VSNL1: variants seen among roughly 807,000 people sequenced by gnomAD.
The protein encoded by VSNL1 is visinin-like protein 1.
Under a neutral mutation model 20.4 loss-of-function variants are expected in VSNL1, and 6 were observed. That is an observed-to-expected ratio of 0.29 (90% confidence interval 0.16 to 0.58). The LOEUF (loss-of-function observed/expected upper bound fraction) is 0.58, where lower values mean the gene tolerates loss of function less well. Among genes scored for constraint, VSNL1 ranks in the 20% least tolerant of loss-of-function variants. The pLI, the probability that VSNL1 is intolerant of heterozygous loss-of-function variation, is 0.90. For synonymous variants in VSNL1, 93 were observed against 86.4 expected, an observed-to-expected ratio of 1.08 and a Z score of -0.42; for missense variants, 100 against 234.5, an observed-to-expected ratio of 0.43 and a Z score of 3.75.
At chr2:17,594,453 G>A (rs1410074211) in intron 2 of VSNL1, among the ~76,000 whole-genome samples, 1 of 152,226 alleles carries the variant, frequency 6.6e-6, no homozygotes, top group Admixed American at 6.5e-5. Flanking sequence ...CTGGAAAGGA[G>A]AAGCCTGGAA....
At position 17,630,961 on chromosome 2, in the gene VSNL1, T is replaced by C. The variant is rs148458079; in HGVS notation, c.163-18449T>C. 4.9e-3 allele frequency among the ~76,000 whole-genome samples: 753 copies of C among 152,254 alleles called. 6 individuals carry two copies. Among genetic ancestry groups the C allele is most frequent in the African/African-American group, 0.016 (664 of 41,542 alleles). ...CACGCCTGGCTAATTTTTGTATTCT[T>C]AGTAGAAACGGAGTTTCACCATGTT... is the stretch of plus-strand genomic sequence containing the variant. On this transcript the variant is annotated intron_variant, in intron 2 of 3. Coordinates refer to ENST00000295156, the MANE Select transcript of VSNL1 (RefSeq NM_003385.5).
chr2:17,633,059 T>C (rs565315035), intron 2 of VSNL1, among the ~76,000 whole-genome samples: 8 of 152,150 alleles, frequency 5.3e-5, no homozygotes, highest in Non-Finnish European at 1.2e-4. Flanking sequence ...GAGGTTTAAT[T>C]GACTCACAGT....
intron 2 of VSNL1, among the ~76,000 whole-genome samples, chr2:17,598,416 G>A (rs1477805712): frequency 2.0e-5 from 3 of 152,206 alleles, no homozygotes; most frequent in Admixed American, 6.5e-5. Flanking sequence ...AAACTGTAAC[G>A]CATCTCAGAA....
intron 1 of VSNL1, among the ~76,000 whole-genome samples, chr2:17,562,403 T>G (rs1185819282): frequency 2.0e-5 from 3 of 152,192 alleles, no homozygotes; most frequent in Non-Finnish European, 4.4e-5. Flanking sequence ...CAAATTTTAT[T>G]TTTCAAGATG....
At chr2:17,636,933 C>T (rs951755382) in intron 2 of VSNL1, among the ~76,000 whole-genome samples, 8 of 152,184 alleles carry the variant, frequency 5.3e-5, no homozygotes, top group Non-Finnish European at 7.3e-5. Flanking sequence ...GGAACAAGTA[C>T]CCTTAAGCTG....
Position 17,622,437 on chromosome 2 carries a change from G to A in VSNL1, c.163-26973G>A, listed in dbSNP as rs555984230. ...CACTTAAACCCAGGAGGCGGAGGTC[G>A]CAGTGAGCCAAGATCGCGCCACTAC... On this transcript the variant is annotated intron_variant, in intron 2 of 3. Coordinates refer to ENST00000295156, the MANE Select transcript of VSNL1 (RefSeq NM_003385.5). Among the ~76,000 whole-genome samples the A allele has an allele frequency of 4.0e-5, 6 of 149,616 alleles. No individual in the cohort carries two copies. The South Asian group carries it at 8.5e-4, about 21-fold the overall frequency.
At chr2:17,542,450 G>T (rs1663306958) in intron 1 of VSNL1, among the ~76,000 whole-genome samples, 1 of 152,170 alleles carries the variant, frequency 6.6e-6, no homozygotes, top group Admixed American at 6.5e-5. Flanking sequence ...CTCAAATCGG[G>T]TGTGGGGGCC....
At chr2:17,641,803 T>C (rs1008846272) in intron 2 of VSNL1, among the ~76,000 whole-genome samples, 1 of 152,076 alleles carries the variant, frequency 6.6e-6, no homozygotes, top group East Asian at 1.9e-4. Flanking sequence ...GACTTATGCA[T>C]AGACATAGGG....
Position 17,616,210 on chromosome 2 carries a change from C to T in VSNL1, c.162+23974C>T, listed in dbSNP as rs116651248. On this transcript the variant is annotated intron_variant, in intron 2 of 3. Transcript: ENST00000295156. ...TCCAGCCTTGTACTCAAGCTGTTCCCTTGGCCTGTGACATTCTCCCTTGGG... is the reference window on the plus strand; with the variant it reads ...TCCAGCCTTGTACTCAAGCTGTTCCTTTGGCCTGTGACATTCTCCCTTGGG... 5.1e-3 allele frequency among the ~76,000 whole-genome samples: 777 copies of T among 152,352 alleles called. 5 individuals carry two copies. The highest frequency in any genetic ancestry group is 7.9e-3 in the Non-Finnish European group (537 of 68,032).
intron 1 of VSNL1, among the ~76,000 whole-genome samples, chr2:17,550,045 T>C (rs1663494521): frequency 6.6e-6 from 1 of 152,246 alleles, no homozygotes; most frequent in Non-Finnish European, 1.5e-5. Context: ...ATAACTATGA[T>C]ATTACCTACC....
At chr2:17,583,979 A>G (rs1664409354) in intron 1 of VSNL1, among the ~76,000 whole-genome samples, 1 of 152,206 alleles carries the variant, frequency 6.6e-6, no homozygotes, top group Non-Finnish European at 1.5e-5. Context: ...CACCTGCCTC[A>G]TGGAAGGCAC....
intron 1 of VSNL1, among the ~76,000 whole-genome samples, chr2:17,572,544 G>A (rs897400568): frequency 1.3e-5 from 2 of 152,140 alleles, no homozygotes; most frequent in African/African-American, 4.8e-5. Flanking sequence ...AGAAGAAGGA[G>A]GCAAAGGGAG....
At chr2:17,573,999 C>T (rs1239552545) in intron 1 of VSNL1, among the ~76,000 whole-genome samples, 1 of 152,202 alleles carries the variant, frequency 6.6e-6, no homozygotes, top group Non-Finnish European at 1.5e-5. Context: ...GCCAAACATG[C>T]GTTTTGTACA....
chr2:17,569,050 GTAATCAC>G (rs2103354549), intron 1 of VSNL1, among the ~76,000 whole-genome samples: 1 of 152,266 alleles, frequency 6.6e-6, no homozygotes, highest in South Asian at 2.1e-4. Context: ...GCTCACTCCT[GTAATCAC>G]AGCACTTTGG....
intron 2 of VSNL1, among the ~76,000 whole-genome samples, chr2:17,646,492 T>C (rs1449393139): frequency 6.6e-6 from 1 of 152,248 alleles, no homozygotes; most frequent in Non-Finnish European, 1.5e-5. Context: ...CTTTGACCTT[T>C]CTAGGCTTCC....
At chr2:17,605,647 G>C (rs989327213) in intron 2 of VSNL1, among the ~76,000 whole-genome samples, 1 of 152,092 alleles carries the variant, frequency 6.6e-6, no homozygotes, top group Non-Finnish European at 1.5e-5. Context: ...CCCCCTCTCA[G>C]GGCTGACCCA....
At chr2:17,652,310 A>G (rs369971302) in intron 3 of VSNL1, among the ~76,000 whole-genome samples, 5 of 152,366 alleles carry the variant, frequency 3.3e-5, no homozygotes, top group African/African-American at 7.2e-5. Flanking sequence ...AGGTCAAAGT[A>G]AAAAAGGAAA....
chr2:17,656,695 C>T lies in VSNL1; in HGVS notation c.*1301C>T, dbSNP rs920350847. On this transcript the variant is annotated 3_prime_UTR_variant, in exon 4 of 4. Transcript: ENST00000295156. ...GGTTTGCATTTTCAGAACATGCCCC[C>T]CTAGAGAGTTGAGTTTTTTACACAG... is the stretch of plus-strand genomic sequence containing the variant. 1.3e-5 allele frequency: 2 copies of T among 152,168 alleles called. No individual in the cohort carries two copies. The highest frequency in any genetic ancestry group is 1.5e-5 in the Non-Finnish European group (1 of 68,032). 9.4% of individuals were successfully genotyped at this position (152,168 alleles called of 1,614,324 possible).
rs1391130475 is a variant in VSNL1, at chr2:17,649,396, G to A, written c.163-14G>A. The A allele has an allele frequency of 1.2e-6, 2 of 1,613,968 alleles. No homozygotes were observed. The highest frequency in any genetic ancestry group is 1.7e-5 in the Admixed American group (1 of 60,032). On this transcript the variant is annotated splice_polypyrimidine_tract_variant and intron_variant, in intron 2 of 3. Transcript: ENST00000295156. This position sits in a 1 kb window ranked among gnomAD's most constrained non-coding sequence, Gnocchi z 6.4. ...CCCCTCCCGACACCTGACTGCGCGT[G>A]TTCTCCTTTGCAGTTCTTTCCTTAT...
Sources: gnomAD v4.1 joint callset for allele counts (sites outside exome capture counted in the v4.1 genomes callset) on GRCh38, gnomAD v4.1.1 for gene constraint, Gnocchi (gnomAD v3.1) non-coding constraint, MANE v1.5 for transcripts, NCBI Gene and HGNC (gene_info 2026-07-23, HGNC 2026-07-21) for gene names.